Variants in AGMO observed in about 807,000 individuals in gnomAD.
AGMO encodes the protein glyceryl-ether monooxygenase.
Under a neutral mutation model 60.2 loss-of-function variants are expected in AGMO, and 75 were observed. The ratio of observed to expected loss-of-function variants is 1.25; its 90% CI spans 1.03 to 1.51. The LOEUF (loss-of-function observed/expected upper bound fraction) is 1.51. Among genes scored for constraint, AGMO ranks in the 40% most tolerant of loss-of-function variants. AGMO has a pLI of 0.00. For missense variants in AGMO, 763 were observed against 525.5 expected (o/e 1.45, Z -4.42); for synonymous variants, 261 against 177.1 (o/e 1.47, Z -3.76).
chr7:15,352,901 A>G (rs145251862), intron 12 of AGMO, among the ~76,000 whole-genome samples: 80 of 152,172 alleles, frequency 5.3e-4, no homozygotes, highest in East Asian at 5.0e-3. Context: ...ACATGGCTCT[A>G]TATCATAAGA....
At chr7:15,368,655 A>G (rs981520493) in intron 10 of AGMO, among the ~76,000 whole-genome samples, 1 of 152,180 alleles carries the variant, frequency 6.6e-6, no homozygotes, top group Non-Finnish European at 1.5e-5. Flanking sequence ...GGTCATGGTT[A>G]GTATTATTGT....
the AGMO span, among the ~76,000 whole-genome samples, chr7:15,166,679 C>T: frequency 3.9e-5 from 6 of 152,068 alleles, no homozygotes; most frequent in Admixed American, 2.6e-4. Context: ...CAGTAAGAAG[C>T]GGGATGGGAG....
rs115376611 is a variant in AGMO, at chr7:15,413,341, G to T, written c.609+5217C>A. On this transcript the variant is annotated intron_variant, in intron 5 of 12. Coordinates refer to ENST00000342526, the MANE Select transcript of AGMO (RefSeq NM_001004320.2). The stretch of plus-strand genomic sequence containing the variant: ...ATTACAGAGCATTTCTGATCTCTAA[G>T]GTAGTGTCATACAGAATACACATGT... Among the ~76,000 whole-genome samples the T allele has an allele frequency of 9.4e-3, 1,433 of 152,248 alleles. 26 individuals are homozygous for T. Among genetic ancestry groups the T allele is most frequent in the African/African-American group, 0.034 (1,400 of 41,546 alleles).
At chr7:15,299,507 A>C (rs1174522169) in intron 12 of AGMO, among the ~76,000 whole-genome samples, 1 of 152,072 alleles carries the variant, frequency 6.6e-6, no homozygotes. Context: ...ACTAAGGGCT[A>C]ATGCTGTGTT....
At chr7:15,193,929 CATAAA>C in the AGMO span, among the ~76,000 whole-genome samples, 3 of 152,074 alleles carry the variant, frequency 2.0e-5, no homozygotes, top group African/African-American at 7.2e-5. Flanking sequence ...ACTTTGTATA[CATAAA>C]ATATTTTTAA....
chr7:15,353,544 C>T (rs773335989), intron 12 of AGMO, among the ~76,000 whole-genome samples: 1 of 152,022 alleles, frequency 6.6e-6, no homozygotes, highest in East Asian at 1.9e-4. Context: ...AACAAAACTA[C>T]TCAACTAAAA....
chr7:15,277,564 C>T (rs1783838936), intron 12 of AGMO, among the ~76,000 whole-genome samples: 1 of 151,746 alleles, frequency 6.6e-6, no homozygotes, highest in African/African-American at 2.4e-5. Flanking sequence ...TTTCTCCATC[C>T]CTTGATGGTG....
At chr7:15,384,455 C>G (rs115536057) in intron 10 of AGMO, among the ~76,000 whole-genome samples, 2,739 of 152,180 alleles carry the variant, frequency 0.018, 79 homozygotes, top group African/African-American at 0.063. Context: ...GCTAGCTGTT[C>G]TGTGCATTTT....
At position 15,287,075 on chromosome 7, in the gene AGMO, G is replaced by A. The variant is rs545869861; in HGVS notation, c.1263+78439C>T. On this transcript the variant is annotated intron_variant, in intron 12 of 12. Transcript: ENST00000342526. Reference sequence around the variant, plus strand: ...TAATGGACTTTGGAGACATAGAAGCGGGAAGATGAGAGGGAGGTAAGGGAT... The same window carrying A: ...TAATGGACTTTGGAGACATAGAAGCAGGAAGATGAGAGGGAGGTAAGGGAT... Among the ~76,000 whole-genome samples the A allele has an allele frequency of 2.6e-5, 4 of 152,186 alleles. 1 individual carries two copies. Among genetic ancestry groups the A allele is most frequent in the Non-Finnish European group, 5.9e-5 (4 of 67,996 alleles).
At chr7:15,497,066 G>C (rs894128591) in intron 3 of AGMO, among the ~76,000 whole-genome samples, 2 of 152,128 alleles carry the variant, frequency 1.3e-5, no homozygotes. Context: ...CATAGAAGAA[G>C]AAGATATGAG....
At chr7:15,278,582 G>A (rs565883713) in intron 12 of AGMO, among the ~76,000 whole-genome samples, 68 of 152,200 alleles carry the variant, frequency 4.5e-4, no homozygotes, top group South Asian at 2.3e-3. Flanking sequence ...GAGCTCTAGC[G>A]CGTTTCACTG....
chr7:15,321,466 A>G (rs374163277), intron 12 of AGMO, among the ~76,000 whole-genome samples: 1 of 152,188 alleles, frequency 6.6e-6, no homozygotes, highest in East Asian at 1.9e-4. Context: ...AAATAAGAAC[A>G]GATATACCCA....
At chr7:15,259,899 C>CAAAAA (rs71549927) in intron 12 of AGMO, among the ~76,000 whole-genome samples, 2 of 9,398 alleles carry the variant, frequency 2.1e-4, no homozygotes, top group Admixed American at 1.9e-3. Flanking sequence ...ACAAGAACTG[C>CAAAAA]AAAAAAAAAA....
At chr7:15,450,051 G>C (rs188797264) in intron 3 of AGMO, among the ~76,000 whole-genome samples, 1 of 152,162 alleles carries the variant, frequency 6.6e-6, no homozygotes, top group Admixed American at 6.5e-5. Flanking sequence ...CATGCAACTT[G>C]GTTATTTAAA....
intron 12 of AGMO, among the ~76,000 whole-genome samples, chr7:15,340,644 C>T (rs1255651328): frequency 1.3e-5 from 2 of 152,142 alleles, no homozygotes; most frequent in Non-Finnish European, 2.9e-5. Context: ...CTTGGCAGCT[C>T]CATGTGGTGT....
At chr7:15,418,716 G>C in intron 4 of AGMO, 63 bp from the exon 5 acceptor site, 1 of 984,948 alleles carries the variant, frequency 1.0e-6, no homozygotes. Flanking sequence ...TTTGTTAATG[G>C]TTCAATATTC....
At chr7:15,393,090 G>C (rs1309243707) in intron 6 of AGMO, among the ~76,000 whole-genome samples, 5 of 152,214 alleles carry the variant, frequency 3.3e-5, no homozygotes, top group African/African-American at 9.7e-5. Flanking sequence ...AGAATTAAAA[G>C]TCGAACCAAT....
intron 10 of AGMO, among the ~76,000 whole-genome samples, chr7:15,374,668 G>A (rs78548435): frequency 6.6e-6 from 1 of 151,996 alleles, no homozygotes; most frequent in African/African-American, 2.4e-5. Flanking sequence ...AGCGATCTCA[G>A]GGAAATAGGA....
intron 3 of AGMO, among the ~76,000 whole-genome samples, chr7:15,488,354 C>T (rs974312519): frequency 3.9e-5 from 6 of 152,248 alleles, no homozygotes; most frequent in Non-Finnish European, 5.9e-5. Flanking sequence ...AACTTTAATG[C>T]AAAAGAAGAA....
Sources: gnomAD v4.1 joint callset for allele counts (sites outside exome capture counted in the v4.1 genomes callset) on GRCh38, gnomAD v4.1.1 for gene constraint, MANE v1.5 for transcripts, NCBI Gene and HGNC (gene_info 2026-07-23, HGNC 2026-07-21) for gene names.